Variants in PGBD5 observed in about 807,000 individuals in gnomAD.
PGBD5 encodes the protein piggyBac transposable element-derived protein 5.
PGBD5 carries 14 observed loss-of-function variants against 47.9 expected under a neutral mutation model. The observed-to-expected ratio is 0.29, with a 90% CI of 0.19 to 0.46. The LOEUF (loss-of-function observed/expected upper bound fraction) is 0.46, where lower values mean the gene tolerates loss of function less well. PGBD5 is among the 20% of genes least tolerant of loss of function. The pLI is 1.00. For missense variants in PGBD5, 635 were observed against 716.0 expected (o/e 0.89, Z 1.29); for synonymous variants, 316 against 306.3 (o/e 1.03, Z -0.33).
intron 3 of PGBD5, among the ~76,000 whole-genome samples, chr1:230,344,285 CA>C (rs1215909793): frequency 1.3e-3 from 174 of 135,774 alleles, no homozygotes; most frequent in Non-Finnish European, 1.0e-3. Context: ...ACTCCGTCTC[CA>C]AAAAAAAAAA....
intron 2 of PGBD5, 49 bp downstream of exon 2, chr1:230,356,843 CGA>C: frequency 1.9e-6 from 3 of 1,569,964 alleles, no homozygotes; most frequent in Non-Finnish European, 2.6e-6. Context: ...AAGGCTAGGC[CGA>C]GAGAGCGAGG....
intron 1 of PGBD5, among the ~76,000 whole-genome samples, chr1:230,371,262 G>C (rs962411961): frequency 5.9e-5 from 9 of 152,022 alleles, no homozygotes; most frequent in Non-Finnish European, 1.3e-4. Context: ...TTCAGGATGG[G>C]GTTCTCACAA....
chr1:230,395,657 C>T (rs189505545), intron 1 of PGBD5, among the ~76,000 whole-genome samples: 5 of 14,086 alleles, frequency 3.5e-4, no homozygotes, highest in African/African-American at 2.3e-3. Flanking sequence ...CCTCCTCCCC[C>T]TTCTCTCCTC....
At chr1:230,373,370 C>T (rs568668446) in intron 1 of PGBD5, among the ~76,000 whole-genome samples, 7 of 152,236 alleles carry the variant, frequency 4.6e-5, no homozygotes, top group African/African-American at 1.7e-4. Context: ...TAGCTGCCTG[C>T]GCATGCTGTT....
intron 5 of PGBD5, among the ~76,000 whole-genome samples, chr1:230,331,399 G>C (rs372862182): frequency 6.6e-5 from 10 of 152,112 alleles, no homozygotes; most frequent in African/African-American, 1.9e-4. Context: ...CTGGGCGACA[G>C]AGCAACACCC....
At chr1:230,362,236 CTGG>C (rs756773620) in intron 1 of PGBD5, 1 of 1,357,322 alleles carries the variant, frequency 7.4e-7, no homozygotes, top group East Asian at 4.6e-5. Flanking sequence ...CAGGTGAGAC[CTGG>C]CTGGGATTTA....
At chr1:230,391,105 C>G (rs1165608488) in intron 1 of PGBD5, among the ~76,000 whole-genome samples, 1 of 149,674 alleles carries the variant, frequency 6.7e-6, no homozygotes, top group Non-Finnish European at 1.5e-5. Flanking sequence ...CTCAGTCCAT[C>G]AGGAAAGCAC....
At chr1:230,363,093 A>C (rs567240781) in intron 1 of PGBD5, among the ~76,000 whole-genome samples, 1 of 152,240 alleles carries the variant, frequency 6.6e-6, no homozygotes, top group African/African-American at 2.4e-5. Flanking sequence ...TTCTTTATTG[A>C]TCAAGTGGGA....
intron 1 of PGBD5, among the ~76,000 whole-genome samples, chr1:230,413,052 T>C (rs992373654): frequency 6.6e-6 from 1 of 151,082 alleles, no homozygotes; most frequent in Non-Finnish European, 1.5e-5. Flanking sequence ...GTATTTTTTC[T>C]CATCAACATT....
intron 1 of PGBD5, among the ~76,000 whole-genome samples, chr1:230,420,751 C>T (rs769028566): frequency 5.9e-5 from 9 of 152,164 alleles, no homozygotes; most frequent in Non-Finnish European, 1.3e-4. Flanking sequence ...TTATAAATTG[C>T]CCAGTCTTGG....
rs114325527 is a variant in PGBD5 at position 230,371,673 on chromosome 1, G to A, written c.332-14352C>T. On this transcript the variant is annotated intron_variant, in intron 1 of 6. Coordinates refer to ENST00000391860, the MANE Select transcript of PGBD5 (RefSeq NM_001258311.2). Reference sequence around the variant, plus strand: ...ACAAGGTACTAATTTTGAGGTGTCCGGTAAGTGAAGGGAACACTGACCTTA... The same window carrying A: ...ACAAGGTACTAATTTTGAGGTGTCCAGTAAGTGAAGGGAACACTGACCTTA... Among the ~76,000 whole-genome samples, 443 of 152,284 alleles carry A rather than the reference G, an allele frequency of 2.9e-3. 1 individual carries two copies. Among genetic ancestry groups the A allele is most frequent in the African/African-American group, 0.01 (419 of 41,544 alleles).
At position 230,323,994 on chromosome 1, in the gene PGBD5, G is replaced by A. The variant is rs116829232; in HGVS notation, c.1380-374C>T. ...TGTGCTCTGTACGTGCTGTGCAGCT[G>A]ACACTCCCCCAAGGCCAAGCTCTTC... On this transcript the variant is annotated intron_variant, in intron 6 of 6. Coordinates refer to ENST00000391860, the MANE Select transcript of PGBD5 (RefSeq NM_001258311.2). This position sits in a 1 kb window ranked among gnomAD's most constrained non-coding sequence, Gnocchi z 4.1. 2.0e-3 allele frequency among the ~76,000 whole-genome samples: 302 copies of A among 152,332 alleles called. 1 individual carries two copies. Among genetic ancestry groups the A allele is most frequent in the African/African-American group, 7.0e-3 (291 of 41,580 alleles).
chr1:230,335,793 G>GTACACACACAGACA (rs1476446568), intron 4 of PGBD5, among the ~76,000 whole-genome samples: 1 of 1,446 alleles, frequency 6.9e-4, no homozygotes, highest in Non-Finnish European at 1.7e-3. Flanking sequence ...ACACACACAG[G>GTACACACACAGACA]CACAAAGACA....
chr1:230,360,055 C>T (rs142266615), intron 1 of PGBD5, among the ~76,000 whole-genome samples: 2 of 152,210 alleles, frequency 1.3e-5, no homozygotes, highest in African/African-American at 2.4e-5. Context: ...TGGGTGCAGC[C>T]GTCAATTATT....
rs1666997747 is a variant in PGBD5 at position 230,319,189 on chromosome 1, G to T, written c.*4236C>A. The T allele has an allele frequency of 6.6e-6, 1 of 152,216 alleles. No individual in the cohort carries two copies. The highest frequency in any genetic ancestry group is 1.5e-5 in the Non-Finnish European group (1 of 68,068). The allele number at this position is 152,216 out of a possible 1,614,324, so 9.4% of individuals were successfully genotyped here. On this transcript the variant is annotated 3_prime_UTR_variant, in exon 7 of 7. Transcript: ENST00000391860. ...TTGCACCACTCCATCTGGGCGTGGT[G>T]ACAGTCCATGCCTAACCCACAGGGA...
intron 1 of PGBD5, among the ~76,000 whole-genome samples, chr1:230,393,449 TCA>T (rs1348899810): frequency 6.6e-6 from 1 of 151,984 alleles, no homozygotes; most frequent in Non-Finnish European, 1.5e-5. Context: ...AGGAGGTGAC[TCA>T]CAGATTCTCA....
At chr1:230,335,662 CACACAGAT>C (rs1244428666) in intron 4 of PGBD5, among the ~76,000 whole-genome samples, 1 of 96,472 alleles carries the variant, frequency 1.0e-5, no homozygotes, top group African/African-American at 3.1e-5. Flanking sequence ...CAAACAGACA[CACACAGAT>C]ACACAGATAC....
intron 1 of PGBD5, among the ~76,000 whole-genome samples, chr1:230,374,670 A>G (rs777887559): frequency 6.6e-6 from 1 of 152,176 alleles, no homozygotes; most frequent in Admixed American, 6.5e-5. Flanking sequence ...GAGTAGAAAA[A>G]GAACAACAGG....
chr1:230,349,297 G>A (rs1388001191), intron 3 of PGBD5, among the ~76,000 whole-genome samples: 2 of 152,096 alleles, frequency 1.3e-5, no homozygotes, highest in African/African-American at 4.8e-5. Context: ...GGAGGCCGAG[G>A]CGGGATGATC....
Sources: allele counts gnomAD v4.1 joint callset (sites outside exome capture counted in the v4.1 genomes callset), GRCh38; gene constraint gnomAD v4.1.1; non-coding constraint Gnocchi (gnomAD v3.1); transcripts MANE v1.5; gene names NCBI Gene and HGNC (gene_info 2026-07-23, HGNC 2026-07-21).